Variants in TSPAN9 observed in about 807,000 individuals in gnomAD.
TSPAN9 encodes tetraspanin 9, also known as tetraspanin-9.
Under a neutral mutation model 31.0 loss-of-function variants are expected in TSPAN9, and 16 were observed. That is an observed-to-expected ratio of 0.52 (90% confidence interval 0.35 to 0.78). The LOEUF (loss-of-function observed/expected upper bound fraction) is 0.78, where lower values mean the gene tolerates loss of function less well. TSPAN9 is among the 30% of genes least tolerant of loss of function. The probability of loss-of-function intolerance (pLI) is 0.01; values close to 1 mark genes in which losing one functional copy is unlikely to be tolerated. For missense variants in TSPAN9, 272 were observed against 312.5 expected (o/e 0.87, Z 0.98); for synonymous variants, 145 against 121.6 (o/e 1.19, Z -1.27).
chr12:3,196,969 C>G (rs573366777), intron 2 of TSPAN9, among the ~76,000 whole-genome samples: 3 of 152,298 alleles, frequency 2.0e-5, no homozygotes. Flanking sequence ...GGGGGCCACC[C>G]TGCGAGGGCC....
At chr12:3,253,580 T>C (rs1470706038) in intron 3 of TSPAN9, among the ~76,000 whole-genome samples, 1 of 152,196 alleles carries the variant, frequency 6.6e-6, no homozygotes, top group Non-Finnish European at 1.5e-5. Context: ...AACATCCTTG[T>C]AGACAGTCCC....
chr12:3,248,009 A>C (rs1262638360), intron 3 of TSPAN9, among the ~76,000 whole-genome samples: 1 of 152,202 alleles, frequency 6.6e-6, no homozygotes, highest in African/African-American at 2.4e-5. Flanking sequence ...ATCTTAATCA[A>C]ATGACAGACT....
chr12:3,229,819 C>T (rs1319324511), intron 3 of TSPAN9, among the ~76,000 whole-genome samples: 2 of 152,226 alleles, frequency 1.3e-5, no homozygotes, highest in Admixed American at 6.5e-5. Context: ...ATCTCTCTGC[C>T]CAGCAGCCTT....
intron 3 of TSPAN9, among the ~76,000 whole-genome samples, chr12:3,211,438 G>A (rs2098378650): frequency 6.6e-6 from 1 of 152,060 alleles, no homozygotes; most frequent in Admixed American, 6.5e-5. Context: ...GAGTATTTTT[G>A]CTGTTCTTGG....
At chr12:3,228,192 A>T (rs1253645905) in intron 3 of TSPAN9, among the ~76,000 whole-genome samples, 3 of 152,134 alleles carry the variant, frequency 2.0e-5, no homozygotes, top group African/African-American at 4.8e-5. Flanking sequence ...CTACAAAAAA[A>T]TATAGAAAAA....
chr12:3,241,912 C>A (rs1009184867), intron 3 of TSPAN9, among the ~76,000 whole-genome samples: 3 of 152,232 alleles, frequency 2.0e-5, no homozygotes, highest in African/African-American at 7.2e-5. Context: ...CTCTGCCATG[C>A]AGCTGCTTCG....
At chr12:3,175,367 G>T (rs1009134058) in intron 2 of TSPAN9, among the ~76,000 whole-genome samples, 1 of 152,340 alleles carries the variant, frequency 6.6e-6, no homozygotes, top group South Asian at 2.1e-4. Flanking sequence ...CCCGGCAGGG[G>T]CCTGCCAAGC....
At chr12:3,237,225 A>AT (rs1362063169) in intron 3 of TSPAN9, among the ~76,000 whole-genome samples, 1 of 152,054 alleles carries the variant, frequency 6.6e-6, no homozygotes, top group East Asian at 1.9e-4. Flanking sequence ...CCTTTGTCAC[A>AT]TTTTTAAAGT....
chr12:3,270,043 C>T (rs1197814370), intron 3 of TSPAN9, among the ~76,000 whole-genome samples: 2 of 152,254 alleles, frequency 1.3e-5, no homozygotes, highest in African/African-American at 4.8e-5. Context: ...CCCGGCCACA[C>T]GTCATTTTGT....
intron 2 of TSPAN9, among the ~76,000 whole-genome samples, chr12:3,190,732 C>G (rs2153972021): frequency 6.6e-6 from 1 of 152,310 alleles, no homozygotes; most frequent in African/African-American, 2.4e-5. Context: ...GCAGGAGTGG[C>G]CATTCTAACT....
intron 2 of TSPAN9, among the ~76,000 whole-genome samples, chr12:3,095,575 GCC>G: frequency 7.8e-6 from 1 of 128,098 alleles, no homozygotes; most frequent in Non-Finnish European, 1.7e-5. Context: ...AGTAGGGGCG[GCC>G]GGGCAGAGGC....
intron 2 of TSPAN9, among the ~76,000 whole-genome samples, chr12:3,086,777 T>G (rs764030569): frequency 2.8e-4 from 42 of 152,164 alleles, no homozygotes; most frequent in Non-Finnish European, 5.1e-4. Context: ...TGGCCCTTCT[T>G]CAGGTTACAA....
At chr12:3,091,394 C>G (rs1253024868) in intron 2 of TSPAN9, among the ~76,000 whole-genome samples, 1 of 152,192 alleles carries the variant, frequency 6.6e-6, no homozygotes, top group Non-Finnish European at 1.5e-5. Flanking sequence ...GCCTTAGTGG[C>G]TGTTCCCTTC....
At chr12:3,112,675 G>GTTT (rs2098319685) in intron 2 of TSPAN9, among the ~76,000 whole-genome samples, 7 of 93,256 alleles carry the variant, frequency 7.5e-5, no homozygotes, top group East Asian at 3.4e-4. Context: ...ATTTATTTTT[G>GTTT]CTTTTTTTTT....
chr12:3,123,967 T>G (rs2098326243), intron 2 of TSPAN9, among the ~76,000 whole-genome samples: 1 of 152,216 alleles, frequency 6.6e-6, no homozygotes, highest in African/African-American at 2.4e-5. Context: ...GCTTGGTCCT[T>G]GCACTCCTGG....
Position 3,147,455 on chromosome 12 carries a change from C to T in TSPAN9, c.-17-53722C>T, listed in dbSNP as rs561118415. 1.1e-4 allele frequency among the ~76,000 whole-genome samples: 17 copies of T among 152,284 alleles called. No individual in the cohort carries two copies. The highest frequency in any genetic ancestry group is 6.2e-4 in the South Asian group (3 of 4,818). ...TGAGTCCTGGTGGCATCTCCACCGACGCGACGGGAAGTGGCCTCTCCCTCC... is the reference window on the plus strand; with the variant it reads ...TGAGTCCTGGTGGCATCTCCACCGATGCGACGGGAAGTGGCCTCTCCCTCC... On this transcript the variant is annotated intron_variant, in intron 2 of 8. Transcript: ENST00000011898. This position sits in a 1 kb window ranked among gnomAD's most constrained non-coding sequence, Gnocchi z 4.3.
chr12:3,191,276 G>T (rs112638852), intron 2 of TSPAN9, among the ~76,000 whole-genome samples: 1 of 90,966 alleles, frequency 1.1e-5, no homozygotes, highest in South Asian at 5.6e-4. Flanking sequence ...CTGTGCTCTG[G>T]CCCACCCTCC....
intron 3 of TSPAN9, among the ~76,000 whole-genome samples, chr12:3,275,168 C>T (rs1862759339): frequency 6.6e-6 from 1 of 152,172 alleles, no homozygotes; most frequent in Non-Finnish European, 1.5e-5. Flanking sequence ...AAGAGGTTTT[C>T]CTAGGTAGAG....
At chr12:3,209,775 C>T (rs953130878) in intron 3 of TSPAN9, among the ~76,000 whole-genome samples, 5 of 151,422 alleles carry the variant, frequency 3.3e-5, no homozygotes, top group East Asian at 1.9e-4. Flanking sequence ...CTGGCTAACA[C>T]GGTGAAACCC....
Sources: allele counts gnomAD v4.1 joint callset (sites outside exome capture counted in the v4.1 genomes callset), GRCh38; gene constraint gnomAD v4.1.1; non-coding constraint Gnocchi (gnomAD v3.1); transcripts MANE v1.5; gene names NCBI Gene and HGNC (gene_info 2026-07-23, HGNC 2026-07-21).